Variants in RALGAPB observed in about 807,000 individuals in gnomAD.
The protein encoded by RALGAPB is ral GTPase-activating protein subunit beta.
In RALGAPB, 25 loss-of-function variants were observed where a neutral mutation model predicts 161.1. The observed-to-expected ratio is 0.16, with a 90% CI of 0.11 to 0.22. The LOEUF (loss-of-function observed/expected upper bound fraction) is 0.22. RALGAPB is among the 10% of genes least tolerant of loss of function. The pLI, the probability that RALGAPB is intolerant of heterozygous loss-of-function variation, is 1.00. For missense variants in RALGAPB, 1,391 were observed against 1,815.2 expected, an observed-to-expected ratio of 0.77 and a Z score of 4.25; for synonymous variants, 629 against 626.1, an observed-to-expected ratio of 1.00 and a Z score of -0.07.
intron 9 of RALGAPB, among the ~76,000 whole-genome samples, chr20:38,519,080 G>C (rs1219252014): frequency 6.6e-6 from 1 of 152,120 alleles, no homozygotes; most frequent in Non-Finnish European, 1.5e-5. Context: ...TAGAAAAGTT[G>C]TGAATATAAA....
chr20:38,506,777 A>C (rs1367027807), intron 5 of RALGAPB, among the ~76,000 whole-genome samples: 2 of 152,168 alleles, frequency 1.3e-5, no homozygotes, highest in South Asian at 4.1e-4. Flanking sequence ...ATAGGGGGCA[A>C]AGAGAGGGGG....
In RALGAPB at chr20:38,509,128, TGAA is replaced by T; in HGVS notation, c.795_797del (p.Glu265del). ...CATTTCCTGCATTTAAAGTTCCCGA[TGAA>T]GATGCCAGTCTGATCCCTCCAGAAA... On this transcript the variant is annotated inframe_deletion, in exon 6 of 30. Coordinates refer to ENST00000262879, the MANE Select transcript of RALGAPB (RefSeq NM_020336.4). The T allele has an allele frequency of 1.2e-6, 2 of 1,613,590 alleles. No individual in the cohort carries two copies. The highest frequency in any genetic ancestry group is 1.7e-6 in the Non-Finnish European group (2 of 1,179,450).
chr20:38,548,646 T>G (rs755467649), intron 19 of RALGAPB, 43 bp from the exon 20 acceptor site: 9 of 1,444,598 alleles, frequency 6.2e-6, no homozygotes, highest in African/African-American at 4.3e-5. Context: ...TTTAAATGGT[T>G]GTTGTCTGAA....
chr20:38,493,627 T>C (rs189905361), intron 3 of RALGAPB, among the ~76,000 whole-genome samples: 9 of 152,298 alleles, frequency 5.9e-5, no homozygotes, highest in Admixed American at 2.0e-4. Context: ...AATATCATAA[T>C]ATAGGGATAC....
intron 16 of RALGAPB, among the ~76,000 whole-genome samples, chr20:38,539,303 C>A (rs763670915): frequency 6.6e-6 from 1 of 152,178 alleles, no homozygotes; most frequent in Non-Finnish European, 1.5e-5. Context: ...GTGATAGATA[C>A]ATCCGCTGTC....
Position 38,499,475 on chromosome 20 carries a change from G to T in RALGAPB, c.582G>T (p.Lys194Asn). ...QGGIAENLAEKLIGVLFEVWL... is the reference protein window; with the variant it reads ...QGGIAENLAENLIGVLFEVWL... ...GCATTGCTGAGAATCTAGCAGAGAA[G>T]TTGATTGGTGTTCTCTTTGAGGTGT... The change falls in exon 5 of 30, where the codon AAG (lysine) becomes AAT (asparagine). Residue 194 changes from lysine to asparagine, a missense_variant. This residue lies in a region of RALGAPB where 946 missense variants were observed against 1,257.2 expected (regional missense o/e 0.75). Coordinates refer to ENST00000262879, the MANE Select transcript of RALGAPB (RefSeq NM_020336.4). The T allele has an allele frequency of 6.2e-7, 1 of 1,611,328 alleles. No individual in the cohort carries two copies. The highest frequency in any genetic ancestry group is 8.5e-7 in the Non-Finnish European group (1 of 1,178,808).
At chr20:38,548,147 T>G (rs1179724893) in intron 19 of RALGAPB, 2 of 151,766 alleles carry the variant, frequency 1.3e-5, no homozygotes, top group Non-Finnish European at 2.9e-5. Context: ...CCATCCTGAG[T>G]GTTTTTTTTA....
At chr20:38,530,181 C>A (rs1229862064) in intron 13 of RALGAPB, among the ~76,000 whole-genome samples, 1 of 152,190 alleles carries the variant, frequency 6.6e-6, no homozygotes, top group Non-Finnish European at 1.5e-5. Flanking sequence ...GAACTACTCA[C>A]ATGGAGATGG....
At position 38,578,278 on chromosome 20, in the gene RALGAPB, C is replaced by T. The variant is rs896795952; in HGVS notation, c.*3311C>T. On this transcript the variant is annotated 3_prime_UTR_variant, in exon 30 of 30. Transcript: ENST00000262879. Reference sequence around the variant, plus strand: ...TTGGAGAGATTGGAGGTGGTCTATCCGTACGATGTGGAATCAAACGGTGGG... The same window carrying T: ...TTGGAGAGATTGGAGGTGGTCTATCTGTACGATGTGGAATCAAACGGTGGG... The T allele has an allele frequency of 1.3e-5, 2 of 152,114 alleles. No homozygotes were observed. The highest frequency in any genetic ancestry group is 2.9e-5 in the Non-Finnish European group (2 of 68,016). The allele number at this position is 152,114 out of a possible 1,614,324, so 9.4% of individuals were successfully genotyped here. A position where few individuals can be genotyped will look rare whatever the true frequency, so the allele number is the denominator to read the frequency against.
chr20:38,566,635 A>G (rs2088010451), intron 25 of RALGAPB, among the ~76,000 whole-genome samples: 1 of 152,244 alleles, frequency 6.6e-6, no homozygotes, highest in South Asian at 2.1e-4. Flanking sequence ...TCTTAATCAC[A>G]GAGACTAGAT....
At chr20:38,525,796 C>G in intron 12 of RALGAPB, 99 bp from the exon 13 acceptor site, 1 of 1,262,742 alleles carries the variant, frequency 7.9e-7, no homozygotes, top group Non-Finnish European at 1.1e-6. Context: ...GACTGAAAGC[C>G]TTTCTCATTA....
intron 28 of RALGAPB, among the ~76,000 whole-genome samples, chr20:38,572,640 C>T (rs1323519515): frequency 6.6e-6 from 1 of 152,134 alleles, no homozygotes; most frequent in Non-Finnish European, 1.5e-5. Context: ...TTTATTTTAG[C>T]ATTATCATTT....
chr20:38,524,819 A>G lies in RALGAPB; in HGVS notation c.1661A>G (p.Tyr554Cys), dbSNP rs750952718. 35 of 1,609,856 alleles carry G rather than the reference A, an allele frequency of 2.2e-5. No homozygotes were observed. Among genetic ancestry groups the G allele is most frequent in the Non-Finnish European group, 2.7e-5 (32 of 1,176,244 alleles). ...ATTCAAGGTTTGCAGATAAATGATT[A>G]TGTGTGCCATCCTGTCTTGGCCAGC... is the stretch of plus-strand genomic sequence containing the variant. ...LLIQGLQIND[Y>C]VCHPVLASVI... Residue 554 changes from tyrosine (Y) to cysteine (C), a missense_variant, in exon 11 of 30, where the codon TAT becomes TGT. Tyr to Cys is a radical substitution (Grantham distance 194, BLOSUM62 -2). Coordinates refer to ENST00000262879, the MANE Select transcript of RALGAPB (RefSeq NM_020336.4).
chr20:38,476,734 C>G (rs1485565221), intron 1 of RALGAPB, among the ~76,000 whole-genome samples: 3 of 152,170 alleles, frequency 2.0e-5, no homozygotes, highest in Non-Finnish European at 4.4e-5. Flanking sequence ...GCCTCATCTA[C>G]CTTAAACATG....
intron 22 of RALGAPB, 68 bp downstream of exon 22, chr20:38,554,144 T>TA: frequency 7.3e-7 from 1 of 1,371,748 alleles, no homozygotes; most frequent in South Asian, 1.2e-5. Flanking sequence ...ATAGCTAAAA[T>TA]ATTTTTATCA....
chr20:38,489,959 C>A (rs2085228246), intron 2 of RALGAPB, among the ~76,000 whole-genome samples: 1 of 151,930 alleles, frequency 6.6e-6, no homozygotes, highest in Admixed American at 6.6e-5. Flanking sequence ...TTTTTTTTCT[C>A]CTTTCTCACC....
At chr20:38,482,489 G>A (rs189137608) in intron 1 of RALGAPB, among the ~76,000 whole-genome samples, 10 of 145,632 alleles carry the variant, frequency 6.9e-5, no homozygotes, top group Admixed American at 2.1e-4. Flanking sequence ...GTGCAGTGGC[G>A]CCATCTCGGC....
At position 38,576,615 on chromosome 20, in the gene RALGAPB, A is replaced by C. The variant is rs1265120712; in HGVS notation, c.*1648A>C. On this transcript the variant is annotated 3_prime_UTR_variant, in exon 30 of 30. Coordinates refer to ENST00000262879, the MANE Select transcript of RALGAPB (RefSeq NM_020336.4). ...TTATTCAATAGTTGATTTTCTTTTTAAGCTGGGCAATAAATTGATGTTTCC... is the reference window on the plus strand; with the variant it reads ...TTATTCAATAGTTGATTTTCTTTTTCAGCTGGGCAATAAATTGATGTTTCC... 6.6e-6 allele frequency: 1 copy of C among 152,252 alleles called. No homozygotes were observed. The highest frequency in any genetic ancestry group is 1.5e-5 in the Non-Finnish European group (1 of 68,032). The allele number at this position is 152,252 out of a possible 1,614,324, so 9.4% of individuals were successfully genotyped here. A position where few individuals can be genotyped will look rare whatever the true frequency, so the allele number is the denominator to read the frequency against.
intron 25 of RALGAPB, among the ~76,000 whole-genome samples, 160 bp from the exon 26 acceptor site, chr20:38,566,936 G>A (rs980081235): frequency 6.6e-6 from 1 of 152,174 alleles, no homozygotes; most frequent in Non-Finnish European, 1.5e-5. Flanking sequence ...AAAATACTTA[G>A]TACTTGATCC....
Sources: allele counts gnomAD v4.1 joint callset (sites outside exome capture counted in the v4.1 genomes callset), GRCh38; gene constraint gnomAD v4.1.1; regional missense constraint gnomAD v4.1.1; transcripts MANE v1.5; gene names NCBI Gene and HGNC (gene_info 2026-07-23, HGNC 2026-07-21).